NCAPD2: variants seen among roughly 807,000 people sequenced by gnomAD.
NCAPD2 encodes non-SMC condensin I complex subunit D2.
In NCAPD2, 100 loss-of-function variants were observed where a neutral mutation model predicts 164.5. The observed-to-expected ratio is 0.61, with a 90% CI of 0.52 to 0.72. The LOEUF is 0.72. Among genes scored for constraint, NCAPD2 ranks in the 30% least tolerant of loss-of-function variants. The pLI, the probability that NCAPD2 is intolerant of heterozygous loss-of-function variation, is 0.00. For synonymous variants in NCAPD2, 585 were observed against 642.6 expected (o/e 0.91, Z 1.36); for missense variants, 1,560 against 1,749.2 (o/e 0.89, Z 1.93).
chr12:6,526,372 G>A lies in NCAPD2; in HGVS notation c.2566+1G>A. 1 of 1,614,162 alleles carries A rather than the reference G, an allele frequency of 6.2e-7. No individual in the cohort carries two copies. The highest frequency in any genetic ancestry group is 8.5e-7 in the Non-Finnish European group (1 of 1,180,034). ...CGACTGCGGGAGACAGTCACAAAAG[G>A]TGAGCTCTCAGGGAAGGCCTTGGGC... On this transcript the variant is annotated splice_donor_variant, in intron 20 of 31. Coordinates refer to ENST00000315579, the MANE Select transcript of NCAPD2 (RefSeq NM_014865.4). LOFTEE classifies it high-confidence loss of function.
rs1565544180 is a variant in NCAPD2 at position 6,518,517 on chromosome 12, T to TGTTTTTG, written c.1589+558_1589+559insGTTTTTG. Reference sequence around the variant, plus strand: ...AGCCGTCAACAAGTTTTTTTTTTTTTTTTTTTTTTTTTTTTTTGAGATGGA... The same window carrying TGTTTTTG: ...AGCCGTCAACAAGTTTTTTTTTTTTTGTTTTTGTTTTTTTTTTTTTTTTTGAGATGGA... On this transcript the variant is annotated intron_variant, in intron 13 of 31. Coordinates refer to ENST00000315579, the MANE Select transcript of NCAPD2 (RefSeq NM_014865.4). Among the ~76,000 whole-genome samples, 3 of 113,072 alleles carry TGTTTTTG rather than the reference T, an allele frequency of 2.7e-5. 1 individual carries two copies. The highest frequency in any genetic ancestry group is 1.1e-4 in the African/African-American group (3 of 27,392). 74.2% of individuals were successfully genotyped at this position (113,072 alleles called of 152,430 possible).
chr12:6,531,735 C>T lies in NCAPD2; in HGVS notation c.*323C>T, dbSNP rs1946376014. 1 of 355,186 alleles carries T rather than the reference C, an allele frequency of 2.8e-6. No individual in the cohort carries two copies. The highest frequency in any genetic ancestry group is 5.3e-6 in the Non-Finnish European group (1 of 188,008). 22.0% of individuals were successfully genotyped at this position (355,186 alleles called of 1,614,324 possible). On this transcript the variant is annotated 3_prime_UTR_variant, in exon 32 of 32. Coordinates refer to ENST00000315579, the MANE Select transcript of NCAPD2 (RefSeq NM_014865.4). This position sits in a 1 kb window ranked among gnomAD's most constrained non-coding sequence, Gnocchi z 4.1. ...CAGGAGAATCGCCTGAACCCAGAGG[C>T]GGAGGTTGTAGTGAGCCGAAATCAC...
intron 15 of NCAPD2, 100 bp from the exon 16 acceptor site, chr12:6,522,728 G>C (rs1946275656): frequency 9.9e-6 from 13 of 1,314,346 alleles, no homozygotes; most frequent in Non-Finnish European, 1.4e-5. Flanking sequence ...AAATGCGGAA[G>C]GCCTCCATTT....
intron 6 of NCAPD2, among the ~76,000 whole-genome samples, chr12:6,513,713 G>GTTTTTTTTTTTTTTT (rs1303520172): frequency 2.2e-3 from 110 of 50,076 alleles, no homozygotes; most frequent in Non-Finnish European, 3.4e-3. Flanking sequence ...TGGTGACTTT[G>GTTTTTTTTTTTTTTT]TCTTTTTTTT....
chr12:6,517,588 C>A lies in NCAPD2; in HGVS notation c.1321-8C>A. ...TTTACTGACCCTGCTATTCATTTTACCTGATAGCTTAGTGATGCTGACCTT... is the reference window on the plus strand; with the variant it reads ...TTTACTGACCCTGCTATTCATTTTAACTGATAGCTTAGTGATGCTGACCTT... On this transcript the variant is annotated splice_polypyrimidine_tract_variant and splice_region_variant and intron_variant, in intron 11 of 31. Transcript: ENST00000315579. The A allele has an allele frequency of 6.2e-7, 1 of 1,614,208 alleles. No homozygotes were observed. Among genetic ancestry groups the A allele is most frequent in the Non-Finnish European group, 8.5e-7 (1 of 1,180,026 alleles).
Position 6,531,329 on chromosome 12 carries a change from C to A in NCAPD2, c.4123C>A (p.Leu1375Ile). The A allele has an allele frequency of 6.2e-7, 1 of 1,612,688 alleles. No individual in the cohort carries two copies. The highest frequency in any genetic ancestry group is 8.5e-7 in the Non-Finnish European group (1 of 1,179,510). Reference sequence around the variant, plus strand: ...TATTCCTTTAATTCTTTGCATAGATCTTTCAGCAGAGATGACAGAAGACGA... The same window carrying A: ...TATTCCTTTAATTCTTTGCATAGATATTTCAGCAGAGATGACAGAAGACGA... ...FSSDESSEEDLSAEMTEDETP... is the reference protein window; with the variant it reads ...FSSDESSEEDISAEMTEDETP... Residue 1375 changes from leucine (L) to isoleucine (I), a missense_variant and splice_region_variant, in exon 32 of 32, where the codon CTT becomes ATT. Coordinates refer to ENST00000315579, the MANE Select transcript of NCAPD2 (RefSeq NM_014865.4). This position sits in a 1 kb window ranked among gnomAD's most constrained non-coding sequence, Gnocchi z 4.1.
intron 2 of NCAPD2, among the ~76,000 whole-genome samples, chr12:6,504,220 T>TATATACAC (rs1565539620): frequency 0.014 from 360 of 25,078 alleles, 1 homozygote; most frequent in Non-Finnish European, 0.018. Flanking sequence ...TATATATAGA[T>TATATACAC]ATAGATATAT....
rs773631088 is a variant in NCAPD2, at chr12:6,526,598, C to A, written c.2717C>A (p.Thr906Asn). 23 of 1,613,804 alleles carry A rather than the reference C, an allele frequency of 1.4e-5. No homozygotes were observed. Among genetic ancestry groups the A allele is most frequent in the Non-Finnish European group, 1.9e-5 (23 of 1,179,852 alleles). The change falls in exon 21 of 32, where the codon ACC (threonine) becomes AAC (asparagine). Residue 906 changes from threonine (T) to asparagine (N), a missense_variant. By Grantham distance (65) the Thr-to-Asn change is moderately conservative. Coordinates refer to ENST00000315579, the MANE Select transcript of NCAPD2 (RefSeq NM_014865.4). ...QALEKLEEKR[T>N]SQEDPKESPA... ...CTGGAGAAGCTAGAAGAGAAGAGAA[C>A]CAGTCAGGAGGACCCGAGTAAGTGG...
chr12:6,498,065 A>G (rs576514715), intron 2 of NCAPD2, among the ~76,000 whole-genome samples: 1 of 151,996 alleles, frequency 6.6e-6, no homozygotes, highest in East Asian at 1.9e-4. Context: ...ATGTGCCAAC[A>G]TGCACTGCTA....
In NCAPD2 at chr12:6,521,881, C is replaced by A. The variant is rs574601341; in HGVS notation, c.1798C>A (p.Pro600Thr). Residue 600 changes from proline (P) to threonine (T), a missense_variant, in exon 15 of 32, where the codon CCC becomes ACC. Pro to Thr is a conservative substitution (Grantham distance 38, BLOSUM62 -1). Transcript: ENST00000315579. ...VTGQTVCKNKPNMSDPEESRG... is the reference protein window; with the variant it reads ...VTGQTVCKNKTNMSDPEESRG... ...AGGACAGACTGTCTGTAAAAATAAACCCAATATGTCGGATCCTGAGGAATC... is the reference window on the plus strand; with the variant it reads ...AGGACAGACTGTCTGTAAAAATAAAACCAATATGTCGGATCCTGAGGAATC... The A allele has an allele frequency of 1.3e-5, 21 of 1,613,994 alleles. No homozygotes were observed. The South Asian group carries it at 2.3e-4, about 18-fold the overall frequency.
intron 1 of NCAPD2, among the ~76,000 whole-genome samples, chr12:6,494,808 T>G (rs1473730587): frequency 6.6e-6 from 1 of 152,230 alleles, no homozygotes; most frequent in Non-Finnish European, 1.5e-5. Context: ...GAGGTTTAAG[T>G]GTCAAGACCA....
Position 6,514,774 on chromosome 12 carries a change from G to C in NCAPD2, c.841G>C (p.Glu281Gln). 2.5e-6 allele frequency: 4 copies of C among 1,614,144 alleles called. No individual in the cohort carries two copies. The South Asian group carries it at 4.4e-5, about 18-fold the overall frequency. Residue 281 changes from glutamate (E) to glutamine (Q), a missense_variant and splice_region_variant, in exon 9 of 32, where the codon GAG becomes CAG. By Grantham distance (29) the Glu-to-Gln change is conservative. Coordinates refer to ENST00000315579, the MANE Select transcript of NCAPD2 (RefSeq NM_014865.4). The stretch of plus-strand genomic sequence containing the variant: ...GGCTGTGTTTTCTTCCCTGTGTAGA[G>C]AGATTGGACAAAAGTGTCCCCAAGA... ...MKSIVGEIVR[E>Q]IGQKCPQELS...
rs1163329000 is a variant in NCAPD2, at chr12:6,529,529, A to G, written c.3589A>G (p.Ile1197Val). Residue 1197 changes from isoleucine to valine, a missense_variant, in exon 28 of 32, where the codon ATC (isoleucine) becomes GTC (valine). By Grantham distance (29) the Ile-to-Val change is conservative. Coordinates refer to ENST00000315579, the MANE Select transcript of NCAPD2 (RefSeq NM_014865.4). ...HTIMKQLLSYITKDKQTESLV... is the reference protein window; with the variant it reads ...HTIMKQLLSYVTKDKQTESLV... ...TTCCTGCAGACAGCTCCTCTCCTACATCACCAAGGACAAGCAGACAGAGAG... is the reference window on the plus strand; with the variant it reads ...TTCCTGCAGACAGCTCCTCTCCTACGTCACCAAGGACAAGCAGACAGAGAG... 6 of 1,613,938 alleles carry G rather than the reference A, an allele frequency of 3.7e-6. No individual in the cohort carries two copies. The highest frequency in any genetic ancestry group is 1.6e-4 in the Middle Eastern group (1 of 6,084).
Position 6,526,567 on chromosome 12 carries a change from C to G in NCAPD2, c.2686C>G (p.Gln896Glu). ...CCAGATATTGCAGGGCTGTGCAAAA[C>G]AGGCCCTGGAGAAGCTAGAAGAGAA... is the stretch of plus-strand genomic sequence containing the variant. ...CAQILQGCAKQALEKLEEKRT... is the reference protein window; with the variant it reads ...CAQILQGCAKEALEKLEEKRT... Residue 896 changes from glutamine (Q) to glutamate (E), a missense_variant, in exon 21 of 32, where the codon CAG (glutamine) becomes GAG (glutamate). Transcript: ENST00000315579. 1 of 1,614,190 alleles carries G rather than the reference C, an allele frequency of 6.2e-7. No individual in the cohort carries two copies. Among genetic ancestry groups the G allele is most frequent in the South Asian group, 1.1e-5 (1 of 91,078 alleles).
chr12:6,528,329 G>T lies in NCAPD2; in HGVS notation c.3299+1G>T. 6.2e-7 allele frequency: 1 copy of T among 1,613,508 alleles called. No homozygotes were observed. The highest frequency in any genetic ancestry group is 8.5e-7 in the Non-Finnish European group (1 of 1,179,996). ...CCTGGACTCCTCATCTGTATGCTCG[G>T]TAAGAGACCCCTCACAACGTGGTGG... On this transcript the variant is annotated splice_donor_variant, in intron 25 of 31. Coordinates refer to ENST00000315579, the MANE Select transcript of NCAPD2 (RefSeq NM_014865.4). LOFTEE classifies it high-confidence loss of function. This position sits in a 1 kb window ranked among gnomAD's most constrained non-coding sequence, Gnocchi z 5.1.
intron 18 of NCAPD2, 21 bp downstream of exon 18, chr12:6,525,737 G>T (rs373991709): frequency 3.7e-6 from 6 of 1,610,634 alleles, no homozygotes; most frequent in Non-Finnish European, 5.1e-6. Context: ...AATCTAGCAG[G>T]CAATGGGGTG....
Position 6,517,355 on chromosome 12 carries a change from C to T in NCAPD2, c.1186-10C>T. The T allele has an allele frequency of 6.2e-7, 1 of 1,613,200 alleles. No individual in the cohort carries two copies. The highest frequency in any genetic ancestry group is 1.7e-5 in the Admixed American group (1 of 59,896). On this transcript the variant is annotated splice_polypyrimidine_tract_variant and intron_variant, in intron 10 of 31. Transcript: ENST00000315579. The stretch of plus-strand genomic sequence containing the variant: ...ACTTGAGCAGATTCTTCTCTTCCTA[C>T]CCTACACAGGCTCTCCCCCTGACAC...
chr12:6,526,636 C>G (rs752598810), intron 21 of NCAPD2, 21 bp downstream of exon 21: 1 of 1,604,756 alleles, frequency 6.2e-7, no homozygotes, highest in African/African-American at 1.3e-5. Context: ...AGGGGTTGAC[C>G]CACTGCGGCA....
chr12:6,502,669 G>T (rs1946048898), intron 2 of NCAPD2, among the ~76,000 whole-genome samples: 1 of 151,898 alleles, frequency 6.6e-6, no homozygotes, highest in Admixed American at 6.6e-5. Context: ...TAGATATAAG[G>T]CCGAGTGTGG....
Sources: allele counts gnomAD v4.1 joint callset (sites outside exome capture counted in the v4.1 genomes callset), GRCh38; gene constraint gnomAD v4.1.1; non-coding constraint Gnocchi (gnomAD v3.1); transcripts MANE v1.5; gene names NCBI Gene and HGNC (gene_info 2026-07-23, HGNC 2026-07-21).